ETV1: variants seen among roughly 807,000 people sequenced by gnomAD.
ETV1 encodes the protein ETS variant transcription factor 1.
Under a neutral mutation model 62.3 loss-of-function variants are expected in ETV1, and 27 were observed. The ratio of observed to expected loss-of-function variants is 0.43; its 90% CI spans 0.32 to 0.60. The LOEUF is 0.60. Ranked by LOEUF, ETV1 falls within the 20% of genes least tolerant of loss-of-function variation. The pLI is 0.06. For synonymous variants in ETV1, 222 were observed against 199.6 expected (o/e 1.11, Z -0.94); for missense variants, 605 against 605.8 (o/e 1.00, Z 0.01).
Position 13,906,477 on chromosome 7 carries a change from C to A in ETV1, c.1063G>T (p.Ala355Ser), listed in dbSNP as rs567326719. 4 of 1,610,176 alleles carry A rather than the reference C, an allele frequency of 2.5e-6. No individual in the cohort carries two copies. The highest frequency in any genetic ancestry group is 3.4e-6 in the Non-Finnish European group (4 of 1,178,194). Reference protein sequence around the residue: ...LDDPSNSHFIAWTGRGMEFKL... With the variant: ...LDDPSNSHFISWTGRGMEFKL... The stretch of plus-strand genomic sequence containing the variant: ...AATTCCATGCCTCGACCAGTCCAGG[C>A]AATAAAATGAGAATTTGAAGGGTCA... Residue 355 changes from alanine to serine, a missense_variant, in exon 12 of 14, where the codon GCC (alanine) becomes TCC (serine). This residue lies in a region of ETV1 where 100 missense variants were observed against 156.4 expected (regional missense o/e 0.64). Coordinates refer to ENST00000430479, the MANE Select transcript of ETV1 (RefSeq NM_004956.5).
At position 13,891,341 on chromosome 7, in the gene ETV1, C is replaced by G. The variant is rs1196821860; in HGVS notation, c.*4525G>C. 4.3e-6 allele frequency: 1 copy of G among 230,660 alleles called. No individual in the cohort carries two copies. Among genetic ancestry groups the G allele is most frequent in the African/African-American group, 2.2e-5 (1 of 45,164 alleles). 14.3% of individuals were successfully genotyped at this position (230,660 alleles called of 1,614,324 possible). On this transcript the variant is annotated 3_prime_UTR_variant, in exon 14 of 14. Coordinates refer to ENST00000430479, the MANE Select transcript of ETV1 (RefSeq NM_004956.5). ...AACCGTAAGTATAATTTTAATACAA[C>G]CAAGTGAATTAAAAATTTTCTTCCC...
At chr7:13,951,818 C>T (rs558299751) in intron 6 of ETV1, among the ~76,000 whole-genome samples, 4 of 152,224 alleles carry the variant, frequency 2.6e-5, no homozygotes, top group Admixed American at 6.5e-5. Flanking sequence ...AATTTAATGA[C>T]GTAACACATA....
intron 6 of ETV1, among the ~76,000 whole-genome samples, chr7:13,944,962 A>T (rs1787986358): frequency 1.3e-5 from 2 of 152,178 alleles, no homozygotes; most frequent in African/African-American, 4.8e-5. Flanking sequence ...AGAGGTTCCC[A>T]GGAAACTACC....
chr7:13,892,060 A>G lies in ETV1; in HGVS notation c.*3806T>C, dbSNP rs186108918. On this transcript the variant is annotated 3_prime_UTR_variant, in exon 14 of 14. Transcript: ENST00000430479. ...ATATTTCTTTCCTGGTTATATAAAG[A>G]TAAGTTGACTCATTTTGCAATTGTT... 2.6e-4 allele frequency: 60 copies of G among 232,258 alleles called. No homozygotes were observed. The highest frequency in any genetic ancestry group is 1.1e-3 in the African/African-American group (48 of 45,432). 14.4% of individuals were successfully genotyped at this position (232,258 alleles called of 1,614,324 possible).
intron 6 of ETV1, among the ~76,000 whole-genome samples, chr7:13,973,521 A>G (rs1413373644): frequency 2.6e-5 from 4 of 152,182 alleles, no homozygotes; most frequent in Non-Finnish European, 4.4e-5. Flanking sequence ...CAAATGCCCT[A>G]TTCTTCTTTT....
chr7:13,950,694 C>T (rs958533855), intron 6 of ETV1, among the ~76,000 whole-genome samples: 31 of 152,074 alleles, frequency 2.0e-4, no homozygotes, highest in Non-Finnish European at 4.4e-5. Context: ...CATCTTTCAT[C>T]TTTTCAAAAA....
At chr7:13,916,570 G>A (rs996582650) in intron 9 of ETV1, among the ~76,000 whole-genome samples, 4 of 152,136 alleles carry the variant, frequency 2.6e-5, no homozygotes, top group East Asian at 3.9e-4. Flanking sequence ...CCCAGGAGCC[G>A]GAGGTTTCAG....
intron 6 of ETV1, among the ~76,000 whole-genome samples, chr7:13,942,511 A>C (rs1353360275): frequency 1.3e-5 from 2 of 152,140 alleles, no homozygotes; most frequent in Non-Finnish European, 2.9e-5. Flanking sequence ...TCACCCAGAT[A>C]CTAAGCCTAG....
chr7:13,900,107 C>T (rs1323012854), intron 13 of ETV1, among the ~76,000 whole-genome samples: 3 of 152,032 alleles, frequency 2.0e-5, no homozygotes, highest in Non-Finnish European at 1.5e-5. Flanking sequence ...CTACCCTAGG[C>T]GACAGAGCTA....
chr7:13,896,234 C>CAA, intron 13 of ETV1, 147 bp from the exon 14 acceptor site: 1 of 490,886 alleles, frequency 2.0e-6, no homozygotes. Context: ...AGCAGATACA[C>CAA]ATAAAAAAAA....
chr7:13,924,708 G>C (rs1785212796), intron 9 of ETV1, among the ~76,000 whole-genome samples: 1 of 152,106 alleles, frequency 6.6e-6, no homozygotes, highest in African/African-American at 2.4e-5. Context: ...CTAAGAATTA[G>C]AAAATCCTAA....
intron 9 of ETV1, among the ~76,000 whole-genome samples, chr7:13,926,609 T>G (rs149193598): frequency 6.6e-6 from 1 of 152,016 alleles, no homozygotes; most frequent in Non-Finnish European, 1.5e-5. Context: ...CATAAGGGCA[T>G]GAAAAAAAAT....
At chr7:13,920,421 C>A (rs1232127710) in intron 9 of ETV1, among the ~76,000 whole-genome samples, 3 of 149,210 alleles carry the variant, frequency 2.0e-5, no homozygotes, top group East Asian at 4.0e-4. Context: ...TATAAATGGA[C>A]ATTCCAGAGA....
chr7:13,976,117 T>C (rs1475285931), intron 6 of ETV1, among the ~76,000 whole-genome samples: 1 of 152,194 alleles, frequency 6.6e-6, no homozygotes, highest in Non-Finnish European at 1.5e-5. Context: ...AAAGCCTATG[T>C]CAATTACCTG....
At chr7:13,975,440 GGA>G (rs1475484068) in intron 6 of ETV1, among the ~76,000 whole-genome samples, 1 of 150,064 alleles carries the variant, frequency 6.7e-6, no homozygotes, top group Non-Finnish European at 1.5e-5. Flanking sequence ...CAGCTACTCG[GGA>G]GGCTGAGGCA....
rs369919661 is a variant in ETV1 at position 13,988,208 on chromosome 7, G to C, written c.46-35C>G. The C allele has an allele frequency of 6.4e-6, 9 of 1,413,220 alleles. No homozygotes were observed. The African/African-American group carries it at 1.0e-4, about 16-fold the overall frequency. 87.5% of individuals were successfully genotyped at this position (1,413,220 alleles called of 1,614,324 possible). On this transcript the variant is annotated intron_variant, in intron 3 of 13. Coordinates refer to ENST00000430479, the MANE Select transcript of ETV1 (RefSeq NM_004956.5). The stretch of plus-strand genomic sequence containing the variant: ...GAAAGATAAAATCCTTTAAAAGAAT[G>C]TAAACCTCAGATCACACACACGCAC...
chr7:13,982,447 T>A (rs922575771), intron 5 of ETV1, among the ~76,000 whole-genome samples: 4 of 152,148 alleles, frequency 2.6e-5, no homozygotes, highest in Admixed American at 6.6e-5. Context: ...TTAAAAAAAA[T>A]TTCTATTTTG....
chr7:13,980,640 T>C (rs1339360059), intron 5 of ETV1, among the ~76,000 whole-genome samples: 1 of 152,106 alleles, frequency 6.6e-6, no homozygotes, highest in Non-Finnish European at 1.5e-5. Context: ...ATGTGGATTT[T>C]ATTGGTAATA....
At position 13,926,530 on chromosome 7, in the gene ETV1, G is replaced by C. The variant is rs181488269; in HGVS notation, c.802+4972C>G. Among the ~76,000 whole-genome samples, 44 of 152,184 alleles carry C rather than the reference G, an allele frequency of 2.9e-4. 1 individual carries two copies. Among genetic ancestry groups the C allele is most frequent in the African/African-American group, 8.9e-4 (37 of 41,506 alleles). ...TAAGAAAATAGGATACTTTCTACGG[G>C]AATCTCCATGACGCACTCCAGATGA... On this transcript the variant is annotated intron_variant, in intron 9 of 13. Coordinates refer to ENST00000430479, the MANE Select transcript of ETV1 (RefSeq NM_004956.5).
Sources: gnomAD v4.1 joint callset for allele counts (sites outside exome capture counted in the v4.1 genomes callset) on GRCh38, gnomAD v4.1.1 for gene constraint, gnomAD v4.1.1 regional missense constraint, MANE v1.5 for transcripts, NCBI Gene and HGNC (gene_info 2026-07-23, HGNC 2026-07-21) for gene names.